Variants in ANKRD17 observed in about 807,000 individuals in gnomAD.
ANKRD17 encodes the protein ankyrin repeat domain-containing protein 17.
In ANKRD17, 19 loss-of-function variants were observed where a neutral mutation model predicts 229.7. The observed-to-expected ratio is 0.08, with a 90% confidence interval of 0.06 to 0.12. The LOEUF is 0.12. ANKRD17 is among the 10% of genes least tolerant of loss of function. The probability of loss-of-function intolerance (pLI) is 1.00; values close to 1 mark genes in which losing one functional copy is unlikely to be tolerated. For missense variants in ANKRD17, 2,176 were observed against 3,176.8 expected (o/e 0.68, Z 7.57); for synonymous variants, 1,112 against 1,146.1 (o/e 0.97, Z 0.60).
intron 1 of ANKRD17, among the ~76,000 whole-genome samples, chr4:73,229,148 G>T (rs1294276219): frequency 6.6e-6 from 1 of 152,064 alleles, no homozygotes; most frequent in African/African-American, 2.4e-5. Context: ...TAGGGGGAGG[G>T]AGGAGGGAAA....
At chr4:73,181,467 G>C (rs1735531825) in intron 1 of ANKRD17, among the ~76,000 whole-genome samples, 1 of 152,068 alleles carries the variant, frequency 6.6e-6, no homozygotes, top group South Asian at 2.1e-4. Flanking sequence ...TTTCCAACTA[G>C]AAAGAGCTCG....
At position 73,210,896 on chromosome 4, in the gene ANKRD17, T is replaced by C. The variant is rs530123382; in HGVS notation, c.394-33363A>G. ...AATTTGGCTCTGGTTGCTAGTTAACTGAATCTAAGTTTAATAACTGTATAT... is the reference window on the plus strand; with the variant it reads ...AATTTGGCTCTGGTTGCTAGTTAACCGAATCTAAGTTTAATAACTGTATAT... On this transcript the variant is annotated intron_variant, in intron 1 of 33. Transcript: ENST00000358602. Among the ~76,000 whole-genome samples the C allele has an allele frequency of 3.3e-5, 5 of 152,238 alleles. No individual in the cohort carries two copies. The South Asian group carries it at 1.0e-3, about 32-fold the overall frequency.
chr4:73,126,475 A>G (rs1727487232), intron 16 of ANKRD17, among the ~76,000 whole-genome samples: 1 of 152,190 alleles, frequency 6.6e-6, no homozygotes, highest in East Asian at 1.9e-4. Flanking sequence ...ATTTAAAAAA[A>G]AAAAATTGTT....
intron 1 of ANKRD17, among the ~76,000 whole-genome samples, chr4:73,213,609 G>A (rs568031197): frequency 9.9e-5 from 15 of 152,268 alleles, no homozygotes; most frequent in Non-Finnish European, 2.1e-4. Flanking sequence ...AGATGTTACT[G>A]ACCTTTCTCT....
chr4:73,186,764 T>C lies in ANKRD17; in HGVS notation c.394-9231A>G, dbSNP rs1011347173. On this transcript the variant is annotated intron_variant, in intron 1 of 33. Transcript: ENST00000358602. ...GACAAAGTTCTATGGAATTCTCAAA[T>C]CTAGAGTTTCTAAGTGGTTTTTCTG... 2.6e-5 allele frequency among the ~76,000 whole-genome samples: 4 copies of C among 152,314 alleles called. No homozygotes were observed. In the East Asian group the frequency reaches 5.8e-4, roughly 22 times the overall value.
intron 18 of ANKRD17, among the ~76,000 whole-genome samples, chr4:73,124,454 C>T (rs908720909): frequency 3.9e-5 from 6 of 152,038 alleles, no homozygotes; most frequent in Non-Finnish European, 7.4e-5. Flanking sequence ...AACCTTTCCT[C>T]CAGAGTTGAG....
At chr4:73,212,677 C>T (rs1740443703) in intron 1 of ANKRD17, among the ~76,000 whole-genome samples, 1 of 151,854 alleles carries the variant, frequency 6.6e-6, no homozygotes, top group Non-Finnish European at 1.5e-5. Flanking sequence ...CATTTAAACC[C>T]ACCACATGTT....
intron 1 of ANKRD17, among the ~76,000 whole-genome samples, chr4:73,189,252 G>C (rs1380477588): frequency 2.0e-5 from 3 of 152,034 alleles, no homozygotes; most frequent in African/African-American, 4.8e-5. Context: ...ATTAAATTTA[G>C]TAGTAGTATA....
chr4:73,113,655 T>C, intron 24 of ANKRD17, 137 bp downstream of exon 24: 1 of 771,016 alleles, frequency 1.3e-6, no homozygotes. Context: ...CTCCACGATT[T>C]GAGCCAAATG....
chr4:73,147,127 T>G, intron 9 of ANKRD17, 114 bp downstream of exon 9: 2 of 1,051,024 alleles, frequency 1.9e-6, no homozygotes, highest in Non-Finnish European at 2.7e-6. Flanking sequence ...ATATCACACG[T>G]TTTTTTAAAC....
chr4:73,143,259 C>T (rs1440828291), intron 11 of ANKRD17, among the ~76,000 whole-genome samples: 2 of 152,170 alleles, frequency 1.3e-5, no homozygotes, highest in Non-Finnish European at 2.9e-5. Context: ...TAATTCACCC[C>T]TATTCCCAAA....
intron 24 of ANKRD17, chr4:73,113,099 T>C: frequency 1.7e-6 from 2 of 1,185,986 alleles, no homozygotes; most frequent in Non-Finnish European, 2.1e-6. Flanking sequence ...CTGACCTTTT[T>C]ATAAAAGATG....
At chr4:73,229,444 A>C (rs1742831428) in intron 1 of ANKRD17, among the ~76,000 whole-genome samples, 1 of 152,194 alleles carries the variant, frequency 6.6e-6, no homozygotes, top group Admixed American at 6.5e-5. Flanking sequence ...TATTAGTTTT[A>C]AATCATGTAT....
intron 7 of ANKRD17, among the ~76,000 whole-genome samples, chr4:73,149,831 C>T (rs1046049601): frequency 6.6e-6 from 1 of 152,116 alleles, no homozygotes; most frequent in Non-Finnish European, 1.5e-5. Flanking sequence ...TGCGACTGCA[C>T]TCCAGCCTGG....
intron 1 of ANKRD17, among the ~76,000 whole-genome samples, chr4:73,193,188 C>T (rs1737364153): frequency 6.6e-6 from 1 of 152,168 alleles, no homozygotes; most frequent in African/African-American, 2.4e-5. Flanking sequence ...AATGTAGCTT[C>T]TTTCTCAAAC....
chr4:73,232,751 C>T (rs1264125742), intron 1 of ANKRD17, among the ~76,000 whole-genome samples: 1 of 152,018 alleles, frequency 6.6e-6, no homozygotes, highest in African/African-American at 2.4e-5. Flanking sequence ...TGAGACAGAG[C>T]CTCACTCTCT....
In ANKRD17 at chr4:73,077,376, G is replaced by A; in HGVS notation, c.7566C>T (p.Tyr2522=). Reference sequence around the variant, plus strand: ...TTACCCCAACTTTAGGAAAGTCCATGTAGCCTGCAGGAACATGCTGATGGA... The same window carrying A: ...TTACCCCAACTTTAGGAAAGTCCATATAGCCTGCAGGAACATGCTGATGGA... ...GTFHQHVPAG[Y]MDFPKVGGMP... Residue 2522 remains tyrosine (Y), a synonymous_variant, in exon 32 of 34, where the codon TAC becomes TAT. Transcript: ENST00000358602. 6.2e-7 allele frequency: 1 copy of A among 1,611,214 alleles called. No individual in the cohort carries two copies. Among genetic ancestry groups the A allele is most frequent in the Non-Finnish European group, 8.5e-7 (1 of 1,179,024 alleles).
chr4:73,232,932 A>G (rs917065207), intron 1 of ANKRD17, among the ~76,000 whole-genome samples: 18 of 152,300 alleles, frequency 1.2e-4, no homozygotes, highest in African/African-American at 4.1e-4. Flanking sequence ...CATGTTGGCC[A>G]GGCTGGTCTC....
In ANKRD17 at chr4:73,092,161, G is replaced by A. The variant is rs1282640186; in HGVS notation, c.5467C>T (p.Pro1823Ser). The A allele has an allele frequency of 1.9e-6, 3 of 1,614,130 alleles. No individual in the cohort carries two copies. The highest frequency in any genetic ancestry group is 2.2e-5 in the East Asian group (1 of 44,886). Reference sequence around the variant, plus strand: ...GAAGTGTTAGCAGCAGTGGTGGTAGGTGCTGATGACCCTATTTTGGAATTT... The same window carrying A: ...GAAGTGTTAGCAGCAGTGGTGGTAGATGCTGATGACCCTATTTTGGAATTT... ...SANSKIGSSAPTTTAANTSLM... is the reference protein window; with the variant it reads ...SANSKIGSSASTTTAANTSLM... The change falls in exon 29 of 34, where the codon CCT (proline) becomes TCT (serine). Residue 1823 changes from proline (P) to serine (S), a missense_variant. Physicochemically the swap from Pro to Ser is moderately conservative, Grantham distance 74. Coordinates refer to ENST00000358602, the MANE Select transcript of ANKRD17 (RefSeq NM_032217.5).
Sources: allele counts gnomAD v4.1 joint callset (sites outside exome capture counted in the v4.1 genomes callset), GRCh38; gene constraint gnomAD v4.1.1; transcripts MANE v1.5; gene names NCBI Gene and HGNC (gene_info 2026-07-23, HGNC 2026-07-21).